DLGAP4: variants seen among roughly 807,000 people sequenced by gnomAD.
DLGAP4 encodes DLG associated protein 4.
A neutral mutation model predicts 86.9 loss-of-function variants in DLGAP4; 18 were observed. The ratio of observed to expected loss-of-function variants is 0.21; its 90% CI spans 0.14 to 0.31. The LOEUF (loss-of-function observed/expected upper bound fraction) is 0.31. Among genes scored for constraint, DLGAP4 ranks in the 10% least tolerant of loss-of-function variants. DLGAP4 has a pLI of 1.00. For synonymous variants in DLGAP4, 548 were observed against 574.3 expected, an observed-to-expected ratio of 0.95 and a Z score of 0.65; for missense variants, 1,085 against 1,362.6, an observed-to-expected ratio of 0.80 and a Z score of 3.21.
chr20:36,504,941 G>A, intron 10 of DLGAP4, among the ~76,000 whole-genome samples: 1 of 151,400 alleles, frequency 6.6e-6, no homozygotes, highest in East Asian at 1.9e-4. Flanking sequence ...TCCCATTCTG[G>A]AGACTGTCTT....
At chr20:36,379,288 G>A (rs543826624) in intron 2 of DLGAP4, among the ~76,000 whole-genome samples, 3 of 152,218 alleles carry the variant, frequency 2.0e-5, no homozygotes, top group Non-Finnish European at 1.5e-5. Context: ...CATGGGAGAT[G>A]CTCTTGAGAA....
At position 36,500,247 on chromosome 20, in the gene DLGAP4, G is replaced by A. The variant is rs199882095; in HGVS notation, c.2148G>A (p.Ser716=). 2.7e-5 allele frequency: 44 copies of A among 1,603,798 alleles called. No homozygotes were observed. The highest frequency in any genetic ancestry group is 1.7e-4 in the Middle Eastern group (1 of 6,034). Residue 716 remains serine, a synonymous_variant, in exon 10 of 13, where the codon TCG becomes TCA. Transcript: ENST00000339266. The surrounding 1 kb of genome is among the most constrained non-coding windows in gnomAD (Gnocchi z 4.6). ...TGTCCTCCCGACGGGACACAGACTC[G>A]GATACCCAGGATGCCAATGACTCAA... ...HSMSSRRDTD[S]DTQDANDSSC...
chr20:36,392,804 T>C (rs554648438), intron 2 of DLGAP4, among the ~76,000 whole-genome samples: 1 of 152,332 alleles, frequency 6.6e-6, no homozygotes, highest in East Asian at 1.9e-4. Context: ...GTTATCAGTC[T>C]GGTGGAAGAG....
intron 10 of DLGAP4, among the ~76,000 whole-genome samples, chr20:36,517,682 A>T (rs1218220900): frequency 6.6e-6 from 1 of 152,196 alleles, no homozygotes; most frequent in Non-Finnish European, 1.5e-5. Context: ...CTTAGCCAGA[A>T]TCAGAAGTGA....
chr20:36,469,857 TG>T (rs1215043919), intron 7 of DLGAP4, among the ~76,000 whole-genome samples: 1 of 152,044 alleles, frequency 6.6e-6, no homozygotes, highest in Non-Finnish European at 1.5e-5. Context: ...TCCTTCTCCC[TG>T]GGGGAACGTT....
chr20:36,431,657 C>G lies in DLGAP4; in HGVS notation c.-61C>G, dbSNP rs557490769. The stretch of plus-strand genomic sequence containing the variant: ...TCTTCTCTCCCTAGGATAGCTGCCG[C>G]CCGGGAGAGGTGACCCGGGCGCCCT... On this transcript the variant is annotated 5_prime_UTR_variant, in exon 3 of 13. Coordinates refer to ENST00000339266, the MANE Select transcript of DLGAP4 (RefSeq NM_001365621.2). This position sits in a 1 kb window ranked among gnomAD's most constrained non-coding sequence, Gnocchi z 5.1. The G allele has an allele frequency of 1.3e-6, 2 of 1,509,496 alleles. No individual in the cohort carries two copies. Among genetic ancestry groups the G allele is most frequent in the East Asian group, 2.3e-5 (1 of 43,690 alleles). 93.5% of individuals were successfully genotyped at this position (1,509,496 alleles called of 1,614,324 possible).
chr20:36,410,136 A>G (rs1311412280), intron 2 of DLGAP4, among the ~76,000 whole-genome samples: 1 of 152,190 alleles, frequency 6.6e-6, no homozygotes, highest in African/African-American at 2.4e-5. Context: ...AAATACGAAT[A>G]AAATTCTTGG....
chr20:36,499,563 G>A (rs911905565), intron 8 of DLGAP4, 25 bp from the exon 9 acceptor site: 15 of 1,608,860 alleles, frequency 9.3e-6, no homozygotes, highest in African/African-American at 2.7e-5. Flanking sequence ...TCTCCGTGCC[G>A]TTGCTGTCGT....
At chr20:36,318,231 G>A (rs1272012336) in intron 1 of DLGAP4, among the ~76,000 whole-genome samples, 1 of 151,732 alleles carries the variant, frequency 6.6e-6, no homozygotes, top group South Asian at 2.1e-4. Context: ...AGTGATAAGG[G>A]CTGTTTCTGG....
At chr20:36,459,166 T>G (rs1187236333) in intron 7 of DLGAP4, among the ~76,000 whole-genome samples, 2 of 152,072 alleles carry the variant, frequency 1.3e-5, no homozygotes, top group Non-Finnish European at 2.9e-5. Context: ...AACTCTGCCT[T>G]GTAGGGATTC....
At chr20:36,509,098 A>G (rs1600681534) in intron 10 of DLGAP4, among the ~76,000 whole-genome samples, 2 of 152,182 alleles carry the variant, frequency 1.3e-5, no homozygotes, top group Admixed American at 6.5e-5. Context: ...TTACTTGTAT[A>G]CTCTATTCAT....
At chr20:36,330,995 C>A (rs1211359178) in intron 1 of DLGAP4, among the ~76,000 whole-genome samples, 6 of 152,210 alleles carry the variant, frequency 3.9e-5, no homozygotes, top group Non-Finnish European at 5.9e-5. Context: ...ATCCACCATT[C>A]CCTTGCTTCC....
chr20:36,364,741 T>TC (rs1285925862), intron 1 of DLGAP4, among the ~76,000 whole-genome samples: 2 of 152,180 alleles, frequency 1.3e-5, no homozygotes, highest in Non-Finnish European at 2.9e-5. Flanking sequence ...TGCAGAATCT[T>TC]CAACAGCATC....
chr20:36,515,202 T>G (rs560454231), intron 10 of DLGAP4, among the ~76,000 whole-genome samples: 35 of 152,240 alleles, frequency 2.3e-4, no homozygotes, highest in Non-Finnish European at 4.6e-4. Flanking sequence ...TAAAAAACTT[T>G]TGTTTTATAT....
At chr20:36,397,144 G>A (rs1299034977) in intron 2 of DLGAP4, among the ~76,000 whole-genome samples, 1 of 152,188 alleles carries the variant, frequency 6.6e-6, no homozygotes, top group African/African-American at 2.4e-5. Context: ...GCCTGACCTT[G>A]TAAGTTTCCC....
At chr20:36,462,767 G>T (rs2034156854) in intron 7 of DLGAP4, among the ~76,000 whole-genome samples, 1 of 152,212 alleles carries the variant, frequency 6.6e-6, no homozygotes, top group Non-Finnish European at 1.5e-5. Flanking sequence ...GGCGGAGGAG[G>T]GAGTGGGGGG....
chr20:36,362,106 A>T (rs2030542301), intron 1 of DLGAP4, among the ~76,000 whole-genome samples: 1 of 152,060 alleles, frequency 6.6e-6, no homozygotes, highest in South Asian at 2.1e-4. Flanking sequence ...AGCCTGGCCA[A>T]CGTGATGAAA....
At chr20:36,515,167 A>T (rs1402363862) in intron 10 of DLGAP4, among the ~76,000 whole-genome samples, 1 of 152,242 alleles carries the variant, frequency 6.6e-6, no homozygotes, top group Non-Finnish European at 1.5e-5. Flanking sequence ...ACCACTTTCT[A>T]TAAAATGGTT....
intron 7 of DLGAP4, among the ~76,000 whole-genome samples, chr20:36,486,408 A>G (rs539892093): frequency 6.6e-6 from 1 of 152,296 alleles, no homozygotes; most frequent in South Asian, 2.1e-4. Context: ...AATCATGATG[A>G]GAAGGAGCAG....
Sources: allele counts gnomAD v4.1 joint callset (sites outside exome capture counted in the v4.1 genomes callset), GRCh38; gene constraint gnomAD v4.1.1; non-coding constraint Gnocchi (gnomAD v3.1); transcripts MANE v1.5; gene names NCBI Gene and HGNC (gene_info 2026-07-23, HGNC 2026-07-21).